LIPA: variants seen among roughly 807,000 people sequenced by gnomAD.
The protein encoded by LIPA is lysosomal acid lipase/cholesteryl ester hydrolase.
In LIPA, 26 loss-of-function variants were observed where a neutral mutation model predicts 40.6. That is an observed-to-expected ratio of 0.64 (90% CI 0.47 to 0.89). The LOEUF (loss-of-function observed/expected upper bound fraction) is 0.89, where lower values mean the gene tolerates loss of function less well. LIPA is among the 40% of genes least tolerant of loss of function. The probability of loss-of-function intolerance (pLI) is 0.00; values close to 1 mark genes in which losing one functional copy is unlikely to be tolerated. For synonymous variants in LIPA, 188 were observed against 168.4 expected, an observed-to-expected ratio of 1.12 and a Z score of -0.90; for missense variants, 455 against 479.6, an observed-to-expected ratio of 0.95 and a Z score of 0.48.
At chr10:89,311,360 CA>C (rs1191502978) in intron 1 of LIPA, among the ~76,000 whole-genome samples, 2 of 150,294 alleles carry the variant, frequency 1.3e-5, no homozygotes, top group Non-Finnish European at 3.0e-5. Flanking sequence ...CCATCTCTAC[CA>C]AAAAAAATAC....
rs193277639 is a variant in LIPA at position 89,393,550 on chromosome 10, T to C, written c.61+19241A>G. 4.7e-4 allele frequency among the ~76,000 whole-genome samples: 72 copies of C among 152,312 alleles called. 1 individual carries two copies. The East Asian group carries it at 0.011, about 23-fold the overall frequency. ...GAGTTGGAGCCCATCCTGGCCAACATGGTGAAACCCCATCTCTACTAAAAA... is the reference window on the plus strand; with the variant it reads ...GAGTTGGAGCCCATCCTGGCCAACACGGTGAAACCCCATCTCTACTAAAAA... On this transcript the variant is annotated intron_variant, in intron 2 of 8. Coordinates refer to the LIPA transcript ENST00000371837.
rs148975789 is a variant in LIPA at position 89,277,320 on chromosome 10, C to A, written c.-1-29671G>T. 6.6e-5 allele frequency among the ~76,000 whole-genome samples: 10 copies of A among 152,332 alleles called. No individual in the cohort carries two copies. The East Asian group carries it at 1.9e-3, about 29-fold the overall frequency. ...AAGTTATGTAATCCTTTTGAGTCTGCTTTCTCGTATTTAAAAAGCAGATAA... is the reference window on the plus strand; with the variant it reads ...AAGTTATGTAATCCTTTTGAGTCTGATTTCTCGTATTTAAAAAGCAGATAA... On this transcript the variant is annotated intron_variant, in intron 1 of 5. Transcript: ENST00000282673.
chr10:89,325,255 A>C (rs1843592369), intron 1 of LIPA, among the ~76,000 whole-genome samples: 1 of 152,240 alleles, frequency 6.6e-6, no homozygotes, highest in Admixed American at 6.5e-5. Flanking sequence ...GAACACTTAC[A>C]AACTGCTGGT....
intron 1 of LIPA, among the ~76,000 whole-genome samples, chr10:89,271,577 C>T (rs1843265934): frequency 6.6e-6 from 1 of 152,160 alleles, no homozygotes; most frequent in African/African-American, 2.4e-5. Flanking sequence ...TGCAGGAGGT[C>T]TTCTGGGGTG....
At chr10:89,223,372 T>C (rs1487484709) in intron 7 of LIPA, among the ~76,000 whole-genome samples, 2 of 152,198 alleles carry the variant, frequency 1.3e-5, no homozygotes, top group Non-Finnish European at 2.9e-5. Context: ...TTTATGTTTA[T>C]ACTTATAATG....
At chr10:89,293,861 G>A (rs545605113) in intron 1 of LIPA, among the ~76,000 whole-genome samples, 33 of 152,246 alleles carry the variant, frequency 2.2e-4, no homozygotes, top group South Asian at 6.2e-4. Context: ...ACAAAGTTAC[G>A]TTGAGGGTTA....
chr10:89,386,946 A>AGT (rs756939371), intron 2 of LIPA, among the ~76,000 whole-genome samples: 7,604 of 125,866 alleles, frequency 0.06, 308 homozygotes, highest in African/African-American at 0.12. Context: ...TGGGTATATG[A>AGT]GTGTGTGTGT....
At chr10:89,223,936 A>G (rs1842734783) in intron 6 of LIPA, 106 bp from the exon 7 acceptor site, 2 of 1,185,134 alleles carry the variant, frequency 1.7e-6, no homozygotes, top group Non-Finnish European at 1.3e-6. Flanking sequence ...GTCTCCACGA[A>G]TGGCCTCAGG....
intron 1 of LIPA, among the ~76,000 whole-genome samples, chr10:89,267,471 T>A (rs1441323082): frequency 6.6e-6 from 1 of 150,784 alleles, no homozygotes; most frequent in African/African-American, 2.4e-5. Context: ...CAGTAAACTA[T>A]CGCAAGAACA....
intron 1 of LIPA, chr10:89,339,726 G>A (rs760737012): frequency 6.2e-7 from 1 of 1,614,196 alleles, no homozygotes; most frequent in Non-Finnish European, 8.5e-7. Context: ...ATGCTGAAAA[G>A]CAACAATCCC....
At position 89,366,788 on chromosome 10, in the gene LIPA, C is replaced by T. The variant is rs200377245; in HGVS notation, c.61+46003G>A. Among the ~76,000 whole-genome samples the T allele has an allele frequency of 1.4e-4, 22 of 152,314 alleles. No homozygotes were observed. In the East Asian group the frequency reaches 3.3e-3, roughly 23 times the overall value. ...GTGGCCATTCCTCAAGGATCTAGAA[C>T]TAGAAATACCATTTGACCCAGCCAT... On this transcript the variant is annotated intron_variant, in intron 2 of 8. Transcript: ENST00000371837.
intron 1 of LIPA, among the ~76,000 whole-genome samples, chr10:89,341,640 T>C (rs1482871583): frequency 6.6e-6 from 1 of 152,218 alleles, no homozygotes. Flanking sequence ...CCCTAGCTGA[T>C]TTAACACCTG....
intron 1 of LIPA, chr10:89,342,411 G>A (rs1843880476): frequency 6.6e-6 from 1 of 152,214 alleles, no homozygotes; most frequent in African/African-American, 2.4e-5. Context: ...CTTTTGCTGA[G>A]AGCAGAAATA....
At chr10:89,333,224 T>A (rs1480594838) in intron 1 of LIPA, among the ~76,000 whole-genome samples, 1 of 152,208 alleles carries the variant, frequency 6.6e-6, no homozygotes, top group East Asian at 1.9e-4. Context: ...AGGTGTTGCT[T>A]GCAGTCTCTC....
At chr10:89,363,174 A>G in intron 2 of LIPA, 1 of 221,942 alleles carries the variant, frequency 4.5e-6, no homozygotes, top group South Asian at 9.0e-5. Flanking sequence ...GCATCACCAG[A>G]TAGGGCTTTG....
chr10:89,323,789 C>T (rs1843583406), intron 1 of LIPA, among the ~76,000 whole-genome samples: 1 of 152,078 alleles, frequency 6.6e-6, no homozygotes, highest in African/African-American at 2.4e-5. Flanking sequence ...TCAGAGATGA[C>T]ACAAACAAAT....
intron 1 of LIPA, among the ~76,000 whole-genome samples, chr10:89,287,985 C>G (rs1417769497): frequency 6.6e-6 from 1 of 152,150 alleles, no homozygotes; most frequent in Non-Finnish European, 1.5e-5. Context: ...TCCTTTGCAC[C>G]CTTCATCCCA....
intron 1 of LIPA, among the ~76,000 whole-genome samples, chr10:89,331,481 C>T (rs1226816076): frequency 6.6e-6 from 1 of 152,148 alleles, no homozygotes; most frequent in African/African-American, 2.4e-5. Context: ...CCAACATTTT[C>T]CATACAGAGG....
rs1161698310 is a variant in LIPA, at chr10:89,225,100, G to A, written c.667C>T (p.Leu223Phe). The A allele has an allele frequency of 6.2e-7, 1 of 1,614,136 alleles. No homozygotes were observed. Among genetic ancestry groups the A allele is most frequent in the Non-Finnish European group, 8.5e-7 (1 of 1,180,036 alleles). Residue 223 changes from leucine to phenylalanine, a missense_variant, in exon 6 of 10, where the codon CTC becomes TTC. Physicochemically the swap from Leu to Phe is conservative, Grantham distance 22. Coordinates refer to ENST00000336233, the MANE Select transcript of LIPA (RefSeq NM_000235.4). The stretch of plus-strand genomic sequence containing the variant: ...GGGAGGGGTCCAAGTACCTTAATGA[G>A]ATGATCTGGTAATCGTCCTAATTTG... ...MAKLGRLPDH[L>F]IKDLFGDKEF...
Sources: gnomAD v4.1 joint callset for allele counts (sites outside exome capture counted in the v4.1 genomes callset) on GRCh38, gnomAD v4.1.1 for gene constraint, MANE v1.5 for transcripts, NCBI Gene and HGNC (gene_info 2026-07-23, HGNC 2026-07-21) for gene names.